The following SCMH1 variants were observed in gnomAD, a reference collection of about 807,000 sequenced individuals.
SCMH1 encodes the protein Scm polycomb group protein homolog 1.
SCMH1 carries 37 observed loss-of-function variants against 70.8 expected under a neutral mutation model. That is an observed-to-expected ratio of 0.52 (90% CI 0.40 to 0.69). The LOEUF is 0.69. Ranked by LOEUF, SCMH1 falls within the 30% of genes least tolerant of loss-of-function variation. SCMH1 has a pLI of 0.00. For missense variants in SCMH1, 607 were observed against 827.3 expected (o/e 0.73, Z 3.27); for synonymous variants, 292 against 307.4 (o/e 0.95, Z 0.52).
At chr1:41,192,432 C>T (rs540890770) in intron 1 of SCMH1, among the ~76,000 whole-genome samples, 6 of 151,658 alleles carry the variant, frequency 4.0e-5, no homozygotes, top group African/African-American at 7.3e-5. Flanking sequence ...GAGTTTCCTC[C>T]GCAGCAAAAT....
intron 1 of SCMH1, among the ~76,000 whole-genome samples, chr1:41,222,265 T>C (rs1659445528): frequency 6.6e-6 from 1 of 152,010 alleles, no homozygotes; most frequent in South Asian, 2.1e-4. Context: ...ATACTGCAAA[T>C]ATGAAACAAC....
chr1:41,110,103 G>A (rs1668897728), intron 8 of SCMH1, among the ~76,000 whole-genome samples: 1 of 152,090 alleles, frequency 6.6e-6, no homozygotes, highest in Non-Finnish European at 1.5e-5. Flanking sequence ...TTACCATACT[G>A]ACCCCAGGGT....
rs368949592 is a variant in SCMH1 at position 41,178,214 on chromosome 1, G to C, written c.13+7907C>G. ...GAGAGATTTTGTCACCACCAGGACT[G>C]CCCTAAAAGAGCTCCTGAAGGAAGC... On this transcript the variant is annotated intron_variant, in intron 2 of 14. Coordinates refer to ENST00000337495, the Ensembl canonical transcript of SCMH1. Among the ~76,000 whole-genome samples, 938 of 152,260 alleles carry C rather than the reference G, an allele frequency of 6.2e-3. 4 individuals are homozygous for C. Among genetic ancestry groups the C allele is most frequent in the Non-Finnish European group, 0.01 (690 of 68,032 alleles).
At chr1:41,139,521 A>G (rs1450581057) in intron 6 of SCMH1, among the ~76,000 whole-genome samples, 1 of 152,204 alleles carries the variant, frequency 6.6e-6, no homozygotes, top group Non-Finnish European at 1.5e-5. Flanking sequence ...CATGGTCACT[A>G]TGTTCCCTGA....
intron 1 of SCMH1, among the ~76,000 whole-genome samples, chr1:41,240,508 A>G (rs1663285518): frequency 6.6e-6 from 1 of 152,138 alleles, no homozygotes; most frequent in Admixed American, 6.6e-5. Flanking sequence ...CTGCAACCAA[A>G]TATTAAAATT....
intron 2 of SCMH1, among the ~76,000 whole-genome samples, chr1:41,177,242 G>A (rs565898625): frequency 1.3e-5 from 2 of 152,204 alleles, no homozygotes; most frequent in East Asian, 3.9e-4. Context: ...CCATCTGTAC[G>A]TCACCATCAT....
intron 10 of SCMH1, among the ~76,000 whole-genome samples, chr1:41,058,057 G>GGCT (rs1482583313): frequency 2.7e-5 from 4 of 150,922 alleles, no homozygotes; most frequent in Admixed American, 1.3e-4. Context: ...GGGAAGCTGA[G>GGCT]GCTGCAGTGA....
intron 8 of SCMH1, among the ~76,000 whole-genome samples, chr1:41,086,640 C>G (rs1661758845): frequency 6.6e-6 from 1 of 151,988 alleles, no homozygotes; most frequent in African/African-American, 2.4e-5. Context: ...CACTGTAGCT[C>G]ACACTGGTAG....
chr1:41,028,730 C>T lies in SCMH1; in HGVS notation c.1679-4G>A. On this transcript the variant is annotated splice_region_variant and splice_polypyrimidine_tract_variant and intron_variant, in intron 13 of 14. Coordinates refer to ENST00000337495, the Ensembl canonical transcript of SCMH1. ...CTCTCCAGGTATCGGTCCGACCCTG[C>T]AGGACAGGAGGGCACCTACCATAAA... is the stretch of plus-strand genomic sequence containing the variant. The T allele has an allele frequency of 1.2e-6, 2 of 1,613,802 alleles. No homozygotes were observed. The highest frequency in any genetic ancestry group is 1.7e-5 in the Admixed American group (1 of 60,026).
At chr1:41,187,218 T>C (rs530525551) in intron 1 of SCMH1, among the ~76,000 whole-genome samples, 1 of 152,202 alleles carries the variant, frequency 6.6e-6, no homozygotes, top group Admixed American at 6.5e-5. Context: ...GTCCCAGCAC[T>C]TTGAAAGGCT....
At chr1:41,089,785 C>CCCTTTTTTTTTTT (rs1662794843) in intron 8 of SCMH1, among the ~76,000 whole-genome samples, 1 of 37,320 alleles carries the variant, frequency 2.7e-5, no homozygotes. Context: ...ACCATGTTGT[C>CCCTTTTTTTTTTT]TCTTTTTTTT....
intron 12 of SCMH1, among the ~76,000 whole-genome samples, chr1:41,046,149 C>T (rs944082998): frequency 1.3e-5 from 2 of 151,982 alleles, no homozygotes; most frequent in South Asian, 2.1e-4. Context: ...AGGGGAATTG[C>T]GAACCACCTT....
intron 10 of SCMH1, among the ~76,000 whole-genome samples, chr1:41,055,099 T>C (rs1332452582): frequency 4.6e-5 from 7 of 152,064 alleles, no homozygotes; most frequent in Non-Finnish European, 1.0e-4. Context: ...CCTCTCACGT[T>C]TCTAAGAGAA....
chr1:41,225,410 CT>C (rs1353420021), intron 1 of SCMH1, among the ~76,000 whole-genome samples: 1 of 152,172 alleles, frequency 6.6e-6, no homozygotes, highest in Non-Finnish European at 1.5e-5. Flanking sequence ...ATATTGATGA[CT>C]TTCCCAATTT....
intron 2 of SCMH1, among the ~76,000 whole-genome samples, chr1:41,163,580 C>T (rs1646215937): frequency 6.6e-6 from 1 of 152,154 alleles, no homozygotes; most frequent in African/African-American, 2.4e-5. Context: ...CTGGTGTTAT[C>T]ATAAGAAGAG....
intron 1 of SCMH1, among the ~76,000 whole-genome samples, chr1:41,228,696 G>A (rs563609630): frequency 4.0e-5 from 6 of 151,734 alleles, no homozygotes; most frequent in African/African-American, 7.3e-5. Context: ...GCAGTGAGCC[G>A]TGATCACATC....
intron 1 of SCMH1, among the ~76,000 whole-genome samples, chr1:41,192,678 A>AT (rs1652013287): frequency 6.6e-6 from 1 of 152,070 alleles, no homozygotes; most frequent in Non-Finnish European, 1.5e-5. Flanking sequence ...TTTCCATTAG[A>AT]TTTGTGTTCC....
intron 1 of SCMH1, among the ~76,000 whole-genome samples, chr1:41,238,470 C>G (rs1662829729): frequency 6.6e-6 from 1 of 152,180 alleles, no homozygotes; most frequent in South Asian, 2.1e-4. Flanking sequence ...AAAACCCCTC[C>G]TCCTTCAAGG....
chr1:41,219,680 G>A (rs1291016651), intron 1 of SCMH1, among the ~76,000 whole-genome samples: 11 of 152,052 alleles, frequency 7.2e-5, no homozygotes, highest in African/African-American at 2.7e-4. Flanking sequence ...CTGTAATCCC[G>A]GCACTTTGGG....
Sources: allele counts gnomAD v4.1 joint callset (sites outside exome capture counted in the v4.1 genomes callset), GRCh38; gene constraint gnomAD v4.1.1; transcripts MANE v1.5; gene names NCBI Gene and HGNC (gene_info 2026-07-23, HGNC 2026-07-21).